FGD6: variants seen among roughly 807,000 people sequenced by gnomAD.
The protein encoded by FGD6 is FYVE, RhoGEF and PH domain containing 6.
FGD6 carries 90 observed loss-of-function variants against 149.4 expected under a neutral mutation model. That is an observed-to-expected ratio of 0.60 (90% confidence interval 0.51 to 0.72). The LOEUF is 0.72. FGD6 is among the 30% of genes least tolerant of loss of function. The pLI is 0.00. For synonymous variants in FGD6, 527 were observed against 584.0 expected, an observed-to-expected ratio of 0.90 and a Z score of 1.41; for missense variants, 1,437 against 1,684.8, an observed-to-expected ratio of 0.85 and a Z score of 2.57.
chr12:95,138,487 C>T (rs866720952), intron 6 of FGD6, among the ~76,000 whole-genome samples: 5 of 148,062 alleles, frequency 3.4e-5, no homozygotes, highest in African/African-American at 1.0e-4. Context: ...GAGGTTGCAG[C>T]GAGCCGAGAT....
In FGD6 at chr12:95,113,693, T is replaced by G. The variant is rs768066541; in HGVS notation, c.3091A>C (p.Lys1031Gln). 2 of 1,588,316 alleles carry G rather than the reference T, an allele frequency of 1.3e-6. No homozygotes were observed. Among genetic ancestry groups the G allele is most frequent in the South Asian group, 1.1e-5 (1 of 87,844 alleles). The change falls in exon 9 of 21, where the codon AAG (lysine) becomes CAG (glutamine). Residue 1031 changes from lysine (K) to glutamine (Q), a missense_variant. Transcript: ENST00000343958. ...QYRLLLTDYL[K>Q]NLIEDAGDYR... The stretch of plus-strand genomic sequence containing the variant: ...TCTCCAGCATCTTCTATGAGATTCT[T>G]CAAATAATCTAGAAAAGAAGAAAAA...
chr12:95,214,432 T>C (rs1418130708), intron 1 of FGD6, among the ~76,000 whole-genome samples: 2 of 151,550 alleles, frequency 1.3e-5, no homozygotes, highest in African/African-American at 4.8e-5. Context: ...TCCTTCATTA[T>C]TTTTTTTTCA....
intron 3 of FGD6, among the ~76,000 whole-genome samples, chr12:95,158,509 T>C (rs1290963884): frequency 6.6e-6 from 1 of 152,020 alleles, no homozygotes; most frequent in African/African-American, 2.4e-5. Context: ...AAGACTGCAG[T>C]CTTAAGCACA....
chr12:95,123,908 TCTTC>T (rs1178916366), intron 8 of FGD6, among the ~76,000 whole-genome samples: 8 of 150,700 alleles, frequency 5.3e-5, no homozygotes, highest in African/African-American at 1.7e-4. Flanking sequence ...TGCTTTTCTT[TCTTC>T]CTTTTTTTTT....
intron 2 of FGD6, among the ~76,000 whole-genome samples, chr12:95,206,317 TA>T (rs5800193): frequency 0.096 from 14,078 of 146,312 alleles, 847 homozygotes; most frequent in African/African-American, 0.17. Context: ...AAAGCATGTT[TA>T]AAAAAAAAAA....
chr12:95,125,994 AAGGTAGAC>A, intron 8 of FGD6: 2 of 1,389,418 alleles, frequency 1.4e-6, no homozygotes, highest in Non-Finnish European at 2.0e-6. Flanking sequence ...AGCCTGGCAG[AAGGTAGAC>A]ATCAATACAA....
At chr12:95,176,089 T>C (rs1881125496) in intron 2 of FGD6, among the ~76,000 whole-genome samples, 1 of 152,156 alleles carries the variant, frequency 6.6e-6, no homozygotes, top group Non-Finnish European at 1.5e-5. Flanking sequence ...CTAGATAATT[T>C]TAGATTTCTA....
intron 2 of FGD6, among the ~76,000 whole-genome samples, chr12:95,194,753 A>C (rs1380201926): frequency 6.6e-6 from 1 of 152,174 alleles, no homozygotes; most frequent in African/African-American, 2.4e-5. Flanking sequence ...GGGGGAATCT[A>C]AAGATCAGTG....
At chr12:95,125,801 C>A (rs1374074606) in intron 8 of FGD6, 1 of 809,018 alleles carries the variant, frequency 1.2e-6, no homozygotes, top group Non-Finnish European at 2.2e-6. Flanking sequence ...GGGCAACCTA[C>A]GTCGCCTTTG....
At chr12:95,145,828 C>T (rs1413974027) in intron 5 of FGD6, among the ~76,000 whole-genome samples, 4 of 152,006 alleles carry the variant, frequency 2.6e-5, no homozygotes, top group Admixed American at 1.3e-4. Flanking sequence ...CATATGCCAC[C>T]ACGCCCAGCT....
rs1565894124 is a variant in FGD6, at chr12:95,094,607, A to G, written c.3585T>C (p.Ser1195=). The part of the protein sequence containing the change: ...YAKKRITFCP[S]RSLDEADSEN... The stretch of plus-strand genomic sequence containing the variant: ...AAAACAATACCTCATCAAGACTCCT[A>G]CTAGGACAGAAGGTGATTCTTTTCT... Residue 1195 remains serine (S), a synonymous_variant, in exon 15 of 21, where the codon AGT becomes AGC. Coordinates refer to ENST00000343958, the MANE Select transcript of FGD6 (RefSeq NM_018351.4). 1.9e-6 allele frequency: 3 copies of G among 1,611,244 alleles called. No homozygotes were observed. The highest frequency in any genetic ancestry group is 1.7e-5 in the Admixed American group (1 of 59,812).
chr12:95,126,789 G>A (rs904026541), intron 8 of FGD6, among the ~76,000 whole-genome samples: 6 of 151,234 alleles, frequency 4.0e-5, no homozygotes, highest in Non-Finnish European at 5.9e-5. Flanking sequence ...TTAGCCAGAC[G>A]TGGTAGTGGG....
At chr12:95,164,703 T>A (rs11615095) in intron 3 of FGD6, among the ~76,000 whole-genome samples, 26,993 of 152,098 alleles carry the variant, frequency 0.18, 2,644 homozygotes, top group Admixed American at 0.21. Context: ...AGTGCTGGGA[T>A]TACAGGCAGG....
intron 3 of FGD6, among the ~76,000 whole-genome samples, chr12:95,160,022 C>A (rs894440110): frequency 1.5e-4 from 22 of 145,296 alleles, no homozygotes; most frequent in East Asian, 4.0e-4. Context: ...AAAAAAAAAA[C>A]AAAACCAAAC....
At position 95,083,050 on chromosome 12, in the gene FGD6, C is replaced by T. The variant is rs1406328864; in HGVS notation, c.4256+1448G>A. Among the ~76,000 whole-genome samples the T allele has an allele frequency of 6.3e-4, 76 of 120,674 alleles. 2 individuals are homozygous for T. The highest frequency in any genetic ancestry group is 2.2e-3 in the African/African-American group (68 of 31,610). 79.2% of individuals were successfully genotyped at this position (120,674 alleles called of 152,430 possible). On this transcript the variant is annotated intron_variant, in intron 20 of 20. Coordinates refer to ENST00000343958, the MANE Select transcript of FGD6 (RefSeq NM_018351.4). ...ATATATACACACACATACACACACA[C>T]ACACACACACACAGAAGAGAGTCCA...
intron 9 of FGD6, among the ~76,000 whole-genome samples, chr12:95,111,225 C>T (rs1046430443): frequency 1.3e-5 from 2 of 152,156 alleles, no homozygotes; most frequent in African/African-American, 4.8e-5. Context: ...AAGTGACCCA[C>T]CTGCCTCGGC....
chr12:95,108,954 C>T (rs1346287393), intron 9 of FGD6, among the ~76,000 whole-genome samples: 1 of 152,100 alleles, frequency 6.6e-6, no homozygotes, highest in African/African-American at 2.4e-5. Context: ...TATAAACTGT[C>T]TTGGGAGAAA....
At position 95,085,213 on chromosome 12, in the gene FGD6, C is replaced by CTTTTTT. The variant is rs34135341; in HGVS notation, c.4107+561_4107+566dup. On this transcript the variant is annotated intron_variant, in intron 19 of 20. Transcript: ENST00000343958. The stretch of plus-strand genomic sequence containing the variant: ...TTGGCAGAAAGAAACACAGCTCTGC[C>CTTTTTT]TTTTTTTTTTTTTTTTTTTTTGAGA... Among the ~76,000 whole-genome samples the CTTTTTT allele has an allele frequency of 5.1e-5, 6 of 118,106 alleles. 1 individual carries two copies. The highest frequency in any genetic ancestry group is 2.4e-4 in the East Asian group (1 of 4,144). 77.5% of individuals were successfully genotyped at this position (118,106 alleles called of 152,430 possible). A position where few individuals can be genotyped will look rare whatever the true frequency, so the allele number is the denominator to read the frequency against.
chr12:95,162,390 A>T (rs545887100), intron 3 of FGD6, among the ~76,000 whole-genome samples: 1 of 152,246 alleles, frequency 6.6e-6, no homozygotes, highest in African/African-American at 2.4e-5. Flanking sequence ...GGGCGCCGAC[A>T]GTGGTGCATA....
Sources: allele counts gnomAD v4.1 joint callset (sites outside exome capture counted in the v4.1 genomes callset), GRCh38; gene constraint gnomAD v4.1.1; transcripts MANE v1.5; gene names NCBI Gene and HGNC (gene_info 2026-07-23, HGNC 2026-07-21).